HTATIP2: variants seen among roughly 807,000 people sequenced by gnomAD.
HTATIP2 encodes HIV-1 Tat interactive protein 2.
HTATIP2 carries 26 observed loss-of-function variants against 24.7 expected under a neutral mutation model. That is an observed-to-expected ratio of 1.05 (90% confidence interval 0.77 to 1.46). HTATIP2 has a LOEUF of 1.46. Ranked by LOEUF, HTATIP2 falls within the 40% of genes most tolerant of loss-of-function variation. HTATIP2 has a pLI of 0.00. For synonymous variants in HTATIP2, 99 were observed against 113.2 expected (o/e 0.87, Z 0.79); for missense variants, 284 against 289.6 (o/e 0.98, Z 0.14).
At chr11:20,374,991 G>A (rs1565183464) in intron 2 of HTATIP2, among the ~76,000 whole-genome samples, 1 of 151,994 alleles carries the variant, frequency 6.6e-6, no homozygotes, top group Non-Finnish European at 1.5e-5. Context: ...CCACAATCAC[G>A]GATTAGTCAT....
chr11:20,376,826 T>G, intron 3 of HTATIP2, 109 bp downstream of exon 3: 24 of 712,732 alleles, frequency 3.4e-5, no homozygotes, highest in Non-Finnish European at 4.7e-5. Context: ...TGCATCATAT[T>G]ATGCATTTGT....
chr11:20,374,346 A>G (rs1440491268), intron 2 of HTATIP2, among the ~76,000 whole-genome samples: 1 of 152,236 alleles, frequency 6.6e-6, no homozygotes, highest in African/African-American at 2.4e-5. Flanking sequence ...AATTCCTCAA[A>G]TTTAGCAGCT....
chr11:20,376,401 A>G (rs1165554308), intron 2 of HTATIP2, 179 bp from the exon 3 acceptor site: 6 of 643,574 alleles, frequency 9.3e-6, no homozygotes, highest in African/African-American at 7.4e-5. Context: ...GTGCCTATCC[A>G]GAGGACCAGA....
intron 2 of HTATIP2, among the ~76,000 whole-genome samples, chr11:20,375,376 A>G (rs1384818481): frequency 6.6e-6 from 1 of 152,226 alleles, no homozygotes; most frequent in East Asian, 1.9e-4. Flanking sequence ...GTTCAAGACC[A>G]GCCTCGCTAA....
At chr11:20,366,505 T>G (rs1465921502) in intron 1 of HTATIP2, among the ~76,000 whole-genome samples, 1 of 152,204 alleles carries the variant, frequency 6.6e-6, no homozygotes, top group African/African-American at 2.4e-5. Context: ...TATCATGCTT[T>G]CTTTTTTAAG....
chr11:20,367,179 A>AG lies in HTATIP2; in HGVS notation c.202dup (p.Glu68GlyfsTer6). The AG allele has an allele frequency of 6.2e-7, 1 of 1,614,076 alleles. No homozygotes were observed. Among genetic ancestry groups the AG allele is most frequent in the Non-Finnish European group, 8.5e-7 (1 of 1,180,016 alleles). ...ACAACTGTGTCCTTGCCTAGAATCA[A>AG]GAAGTGGTGGACTTTGAAAAGTTGG... On this transcript the variant is annotated frameshift_variant, in exon 2 of 5. Transcript: ENST00000451739. LOFTEE classifies it high-confidence loss of function.
chr11:20,372,139 G>C (rs917229653), intron 2 of HTATIP2, among the ~76,000 whole-genome samples: 1 of 152,122 alleles, frequency 6.6e-6, no homozygotes, highest in Non-Finnish European at 1.5e-5. Context: ...TTTAGAGACA[G>C]GGTCTCACTG....
chr11:20,379,026 A>G (rs1242169508), intron 3 of HTATIP2, among the ~76,000 whole-genome samples: 2 of 150,050 alleles, frequency 1.3e-5, no homozygotes, highest in African/African-American at 4.9e-5. Context: ...ACAGAGTGAG[A>G]CTCTGTCTCA....
intron 2 of HTATIP2, among the ~76,000 whole-genome samples, chr11:20,372,106 C>CT (rs1439200205): frequency 6.6e-6 from 1 of 152,046 alleles, no homozygotes; most frequent in East Asian, 1.9e-4. Context: ...CCATGATTTA[C>CT]TTTTTTATAA....
At chr11:20,380,253 T>C (rs1848498302) in intron 3 of HTATIP2, among the ~76,000 whole-genome samples, 1 of 152,124 alleles carries the variant, frequency 6.6e-6, no homozygotes, top group South Asian at 2.1e-4. Flanking sequence ...ACACCGAAAA[T>C]CCAAGGTTGC....
chr11:20,378,874 C>T (rs1457013149), intron 3 of HTATIP2, among the ~76,000 whole-genome samples: 4 of 152,050 alleles, frequency 2.6e-5, no homozygotes, highest in Non-Finnish European at 5.9e-5. Flanking sequence ...CCTGTCTGTA[C>T]TAAAAATACA....
intron 4 of HTATIP2, 92 bp downstream of exon 4, chr11:20,382,331 TATCTA>T (rs1848533049): frequency 1.4e-6 from 1 of 729,422 alleles, no homozygotes; most frequent in East Asian, 2.7e-5. Flanking sequence ...ACAGCTGAAA[TATCTA>T]AGATATGAAA....
intron 2 of HTATIP2, among the ~76,000 whole-genome samples, chr11:20,375,212 A>G (rs1391780245): frequency 5.3e-5 from 8 of 152,114 alleles, no homozygotes; most frequent in Non-Finnish European, 8.8e-5. Flanking sequence ...TGTGAAAGAT[A>G]CACATCGCCC....
intron 3 of HTATIP2, among the ~76,000 whole-genome samples, chr11:20,378,051 A>T (rs7938922): frequency 0.95 from 144,453 of 151,828 alleles, 69,099 homozygotes; most frequent in South Asian, 1. Context: ...ATGTTTTTTT[A>T]AAAAAATAGG....
chr11:20,376,329 T>C, intron 2 of HTATIP2: 1 of 476,468 alleles, frequency 2.1e-6, no homozygotes. Flanking sequence ...GTTTGGTGTC[T>C]GTGTTTCAAT....
At position 20,383,141 on chromosome 11, in the gene HTATIP2, T is replaced by G. The variant is rs780272275; in HGVS notation, c.665T>G (p.Met222Arg). The G allele has an allele frequency of 1.9e-6, 3 of 1,613,980 alleles. No homozygotes were observed. The highest frequency in any genetic ancestry group is 1.6e-4 in the Middle Eastern group (1 of 6,062). The part of the protein sequence containing the change: ...NNVVRPRDKQ[M>R]ELLENKAIHD... The stretch of plus-strand genomic sequence containing the variant: ...GTGGTGAGACCAAGAGACAAGCAGA[T>G]GGAACTGCTGGAGAACAAGGCCATC... The change falls in exon 5 of 5, where the codon ATG becomes AGG. Residue 222 changes from methionine (M) to arginine (R), a missense_variant. Met to Arg is a moderately conservative substitution (Grantham distance 91). Transcript: ENST00000451739.
At chr11:20,375,398 C>T (rs1374189085) in intron 2 of HTATIP2, among the ~76,000 whole-genome samples, 1 of 152,138 alleles carries the variant, frequency 6.6e-6, no homozygotes, top group African/African-American at 2.4e-5. Context: ...GTGGTGAAAC[C>T]CTGTCTCTAC....
chr11:20,367,450 T>G, intron 2 of HTATIP2, 169 bp downstream of exon 2: 1 of 1,485,014 alleles, frequency 6.7e-7, no homozygotes, highest in Non-Finnish European at 8.9e-7. Context: ...TTAATAGTAC[T>G]GATAAGTTCG....
At chr11:20,364,577 C>A in intron 1 of HTATIP2, 145 bp downstream of exon 1, 1 of 662,072 alleles carries the variant, frequency 1.5e-6, no homozygotes, top group South Asian at 2.0e-5. Flanking sequence ...CTGTGAGAGT[C>A]CCTCCCAGAA....
Sources: allele counts gnomAD v4.1 joint callset (sites outside exome capture counted in the v4.1 genomes callset), GRCh38; gene constraint gnomAD v4.1.1; transcripts MANE v1.5; gene names NCBI Gene and HGNC (gene_info 2026-07-23, HGNC 2026-07-21).